SLC35F4: variants seen among roughly 807,000 people sequenced by gnomAD.
SLC35F4 encodes chromosome 14 open reading frame 36.
Under a neutral mutation model 44.2 loss-of-function variants are expected in SLC35F4, and 24 were observed. The ratio of observed to expected loss-of-function variants is 0.54; its 90% CI spans 0.39 to 0.76. The LOEUF (loss-of-function observed/expected upper bound fraction) is 0.76. Among genes scored for constraint, SLC35F4 ranks in the 30% least tolerant of loss-of-function variants. SLC35F4 has a pLI of 0.00. For missense variants in SLC35F4, 562 were observed against 586.1 expected, an observed-to-expected ratio of 0.96 and a Z score of 0.42; for synonymous variants, 238 against 223.6, an observed-to-expected ratio of 1.06 and a Z score of -0.57.
At chr14:57,691,099 A>C (rs2140331936) in intron 1 of SLC35F4, among the ~76,000 whole-genome samples, 1 of 152,268 alleles carries the variant, frequency 6.6e-6, no homozygotes. Flanking sequence ...AATGTAAATG[A>C]GGTCATGGCA....
intron 1 of SLC35F4, among the ~76,000 whole-genome samples, chr14:57,872,819 T>A (rs569197874): frequency 4.2e-4 from 64 of 152,294 alleles, no homozygotes; most frequent in African/African-American, 1.4e-3. Flanking sequence ...TATGGTCAGC[T>A]CAGTCACATG....
intron 1 of SLC35F4, among the ~76,000 whole-genome samples, chr14:57,748,380 A>G (rs1490422477): frequency 1.3e-5 from 2 of 152,176 alleles, no homozygotes; most frequent in African/African-American, 4.8e-5. Flanking sequence ...GATATAGAAC[A>G]GTTTCAATAC....
intron 1 of SLC35F4, among the ~76,000 whole-genome samples, chr14:57,633,771 C>T (rs532909810): frequency 6.6e-6 from 1 of 152,106 alleles, no homozygotes; most frequent in African/African-American, 2.4e-5. Context: ...AGAAATTAAA[C>T]CATGTAGTAT....
chr14:57,970,428 C>T (rs1201600665), intron 1 of SLC35F4, among the ~76,000 whole-genome samples: 2 of 152,138 alleles, frequency 1.3e-5, no homozygotes, highest in Non-Finnish European at 2.9e-5. Flanking sequence ...GTGCTCTCTG[C>T]CCTGTCAGCT....
chr14:57,925,336 C>A (rs1594628718), intron 1 of SLC35F4, among the ~76,000 whole-genome samples: 1 of 151,180 alleles, frequency 6.6e-6, no homozygotes, highest in East Asian at 1.9e-4. Flanking sequence ...TCTTCTCAGC[C>A]TATGTGGAGC....
At chr14:57,782,756 A>C (rs1273929836) in intron 1 of SLC35F4, among the ~76,000 whole-genome samples, 1 of 152,222 alleles carries the variant, frequency 6.6e-6, no homozygotes, top group East Asian at 1.9e-4. Context: ...CCCAGTTCAC[A>C]CACATTTTGC....
chr14:57,803,884 C>T (rs1366255901), intron 1 of SLC35F4, among the ~76,000 whole-genome samples: 2 of 152,052 alleles, frequency 1.3e-5, no homozygotes, highest in Non-Finnish European at 2.9e-5. Context: ...GCCACCCAGT[C>T]CCAAAAGCTT....
chr14:57,680,608 A>T (rs1435681328), intron 1 of SLC35F4, among the ~76,000 whole-genome samples: 1 of 152,124 alleles, frequency 6.6e-6, no homozygotes, highest in Non-Finnish European at 1.5e-5. Flanking sequence ...ATGACTGTAT[A>T]TTTAGAAAAC....
chr14:57,978,392 C>A (rs537215342), intron 1 of SLC35F4, among the ~76,000 whole-genome samples: 1 of 152,288 alleles, frequency 6.6e-6, no homozygotes, highest in African/African-American at 2.4e-5. Context: ...GCCAGCCCCA[C>A]CACCCAAATG....
intron 1 of SLC35F4, among the ~76,000 whole-genome samples, chr14:57,893,029 T>C (rs1888802694): frequency 6.6e-6 from 1 of 152,224 alleles, no homozygotes; most frequent in South Asian, 2.1e-4. Flanking sequence ...GAACTGGACA[T>C]TTTTGAAGAT....
chr14:57,581,114 G>A, intron 4 of SLC35F4, 100 bp downstream of exon 4: 2 of 1,280,812 alleles, frequency 1.6e-6, no homozygotes, highest in Non-Finnish European at 1.0e-6. Flanking sequence ...AGTGAGAAAA[G>A]TTTTACAGCA....
At chr14:57,782,819 A>T (rs949241630) in intron 1 of SLC35F4, among the ~76,000 whole-genome samples, 1 of 152,214 alleles carries the variant, frequency 6.6e-6, no homozygotes, top group Non-Finnish European at 1.5e-5. Flanking sequence ...AGAACCATAT[A>T]AAGTGCCACT....
chr14:57,592,500 A>T (rs937360542), intron 2 of SLC35F4, among the ~76,000 whole-genome samples: 1 of 152,186 alleles, frequency 6.6e-6, no homozygotes, highest in Non-Finnish European at 1.5e-5. Flanking sequence ...TAATCTGTGT[A>T]TGATACATAG....
At chr14:57,896,840 C>T (rs1888882014) in intron 1 of SLC35F4, among the ~76,000 whole-genome samples, 1 of 152,122 alleles carries the variant, frequency 6.6e-6, no homozygotes, top group South Asian at 2.1e-4. Context: ...AATTAAATTA[C>T]ATAATGTATG....
At chr14:57,834,597 G>A (rs1884711585) in intron 1 of SLC35F4, among the ~76,000 whole-genome samples, 1 of 152,226 alleles carries the variant, frequency 6.6e-6, no homozygotes, top group African/African-American at 2.4e-5. Flanking sequence ...TAGGACAGGT[G>A]TTAGAAAGGA....
intron 1 of SLC35F4, among the ~76,000 whole-genome samples, chr14:57,896,479 G>C (rs1003673579): frequency 2.6e-4 from 40 of 152,188 alleles, no homozygotes; most frequent in African/African-American, 8.9e-4. Flanking sequence ...AACCCTCTAG[G>C]ATGCTAGAAA....
chr14:57,860,625 C>T (rs926405820), intron 1 of SLC35F4, among the ~76,000 whole-genome samples: 6 of 152,078 alleles, frequency 3.9e-5, no homozygotes, highest in African/African-American at 1.4e-4. Context: ...ACACTGTTTC[C>T]CTATACAAAC....
chr14:57,912,535 T>C (rs934920925), intron 1 of SLC35F4, among the ~76,000 whole-genome samples: 2 of 152,066 alleles, frequency 1.3e-5, no homozygotes, highest in African/African-American at 4.8e-5. Flanking sequence ...CCATGTGTCA[T>C]TTAGAAGTAT....
At chr14:57,905,418 T>C (rs1401878602) in intron 1 of SLC35F4, among the ~76,000 whole-genome samples, 2 of 152,146 alleles carry the variant, frequency 1.3e-5, no homozygotes, top group Non-Finnish European at 2.9e-5. Flanking sequence ...CCTGATTCAG[T>C]GTGAAGGAAA....
Sources: allele counts gnomAD v4.1 joint callset (sites outside exome capture counted in the v4.1 genomes callset), GRCh38; gene constraint gnomAD v4.1.1; transcripts MANE v1.5; gene names NCBI Gene and HGNC (gene_info 2026-07-23, HGNC 2026-07-21).